ADAMTS19: variants seen among roughly 807,000 people sequenced by gnomAD.
The protein encoded by ADAMTS19 is A disintegrin and metalloproteinase with thrombospondin motifs 19.
In ADAMTS19, 93 loss-of-function variants were observed where a neutral mutation model predicts 153.3. The observed-to-expected ratio is 0.61, with a 90% CI of 0.51 to 0.72. The LOEUF (loss-of-function observed/expected upper bound fraction) is 0.72, where lower values mean the gene tolerates loss of function less well. Ranked by LOEUF, ADAMTS19 falls within the 30% of genes least tolerant of loss-of-function variation. The probability of loss-of-function intolerance (pLI) is 0.00; values close to 1 mark genes in which losing one functional copy is unlikely to be tolerated. For synonymous variants in ADAMTS19, 600 were observed against 556.6 expected, an observed-to-expected ratio of 1.08 and a Z score of -1.10; for missense variants, 1,482 against 1,552.1, an observed-to-expected ratio of 0.95 and a Z score of 0.76.
intron 6 of ADAMTS19, among the ~76,000 whole-genome samples, chr5:129,535,275 C>T (rs192143567): frequency 6.6e-6 from 1 of 152,142 alleles, no homozygotes; most frequent in African/African-American, 2.4e-5. Flanking sequence ...CAATAGCAGA[C>T]AAACAGCCAA....
At chr5:129,588,686 G>T (rs903243591) in intron 7 of ADAMTS19, among the ~76,000 whole-genome samples, 1 of 151,266 alleles carries the variant, frequency 6.6e-6, no homozygotes, top group African/African-American at 2.4e-5. Context: ...TTACCTCAAG[G>T]TATATTTTGT....
At chr5:129,588,730 GTTATT>G (rs1428744073) in intron 7 of ADAMTS19, among the ~76,000 whole-genome samples, 4 of 151,642 alleles carry the variant, frequency 2.6e-5, no homozygotes, top group South Asian at 4.2e-4. Context: ...CTCTTTGGGG[GTTATT>G]TTATTTGGTG....
At chr5:129,633,556 G>A (rs549180721) in intron 10 of ADAMTS19, among the ~76,000 whole-genome samples, 2 of 152,246 alleles carry the variant, frequency 1.3e-5, no homozygotes, top group East Asian at 1.9e-4. Flanking sequence ...TACAATGGCA[G>A]TATTGAATAG....
At chr5:129,644,165 A>G (rs905324056) in intron 11 of ADAMTS19, among the ~76,000 whole-genome samples, 2 of 152,224 alleles carry the variant, frequency 1.3e-5, no homozygotes, top group African/African-American at 4.8e-5. Context: ...TTATTTTCCT[A>G]TAATTGTGTT....
chr5:129,500,629 T>C (rs1297909633), intron 2 of ADAMTS19: 1 of 152,120 alleles, frequency 6.6e-6, no homozygotes, highest in African/African-American at 2.4e-5. Context: ...AGAAATAAGA[T>C]TACAAGTAAT....
chr5:129,567,353 A>G (rs998979317), intron 7 of ADAMTS19, among the ~76,000 whole-genome samples: 2 of 152,154 alleles, frequency 1.3e-5, no homozygotes, highest in African/African-American at 2.4e-5. Flanking sequence ...CTCAATTTGC[A>G]TGGGAAAAGA....
chr5:129,608,001 T>C (rs1465854571), intron 8 of ADAMTS19, among the ~76,000 whole-genome samples: 1 of 147,916 alleles, frequency 6.8e-6, no homozygotes, highest in Non-Finnish European at 1.5e-5. Flanking sequence ...ATTCTATATA[T>C]ATAATGGAAT....
intron 7 of ADAMTS19, among the ~76,000 whole-genome samples, chr5:129,568,618 G>T (rs1263579229): frequency 6.6e-6 from 1 of 152,044 alleles, no homozygotes; most frequent in Non-Finnish European, 1.5e-5. Flanking sequence ...CCAGGAGTTT[G>T]AGACCAGCCT....
At chr5:129,474,051 C>A (rs564322066) in intron 2 of ADAMTS19, among the ~76,000 whole-genome samples, 6 of 152,176 alleles carry the variant, frequency 3.9e-5, no homozygotes, top group South Asian at 4.1e-4. Flanking sequence ...TCCCTCATCC[C>A]CATCTGCAGT....
At chr5:129,563,419 AATC>A (rs1176069570) in intron 7 of ADAMTS19, among the ~76,000 whole-genome samples, 4 of 152,130 alleles carry the variant, frequency 2.6e-5, no homozygotes. Context: ...TGTCTACATA[AATC>A]TTAGTTTCTA....
intron 7 of ADAMTS19, among the ~76,000 whole-genome samples, chr5:129,573,833 A>G (rs2126869363): frequency 6.6e-6 from 1 of 151,098 alleles, no homozygotes; most frequent in East Asian, 1.9e-4. Flanking sequence ...TCTATTAAAA[A>G]TGTTTTGATG....
At chr5:129,547,983 T>C (rs1202252046) in intron 6 of ADAMTS19, among the ~76,000 whole-genome samples, 1 of 150,850 alleles carries the variant, frequency 6.6e-6, no homozygotes, top group Non-Finnish European at 1.5e-5. Context: ...TGTAGAAAGC[T>C]GAAACTGGAT....
rs1554098182 is a variant in ADAMTS19 at position 129,608,116 on chromosome 5, G to GTATATATATATATATATATATATA, written c.1478+11453_1478+11476dup. Among the ~76,000 whole-genome samples the GTATATATATATATATATATATATA allele has an allele frequency of 4.5e-3, 214 of 47,852 alleles. 7 individuals carry two copies. Among genetic ancestry groups the GTATATATATATATATATATATATA allele is most frequent in the East Asian group, 8.2e-3 (14 of 1,716 alleles). The allele number at this position is 47,852 out of a possible 152,430, so 31.4% of individuals were successfully genotyped here. ...TGTGTGTGTGTGTGTGTGTGTGTGT[G>GTATATATATATATATATATATATA]TATATATATATATATATATATATAA... On this transcript the variant is annotated intron_variant, in intron 8 of 22. Coordinates refer to ENST00000274487, the MANE Select transcript of ADAMTS19 (RefSeq NM_133638.6).
At chr5:129,541,133 G>T (rs1752640444) in intron 6 of ADAMTS19, among the ~76,000 whole-genome samples, 1 of 151,674 alleles carries the variant, frequency 6.6e-6, no homozygotes, top group Non-Finnish European at 1.5e-5. Context: ...TTCAATTTTA[G>T]TGAGAGGTAC....
At chr5:129,496,431 T>C (rs1750930291) in intron 2 of ADAMTS19, among the ~76,000 whole-genome samples, 1 of 152,164 alleles carries the variant, frequency 6.6e-6, no homozygotes, top group South Asian at 2.1e-4. Flanking sequence ...TGACCTTTAA[T>C]TGAATCATGA....
intron 6 of ADAMTS19, among the ~76,000 whole-genome samples, chr5:129,534,625 GA>G (rs1476115785): frequency 6.6e-6 from 1 of 152,050 alleles, no homozygotes; most frequent in Non-Finnish European, 1.5e-5. Flanking sequence ...AACAAAAAAA[GA>G]GAATTTTAGA....
intron 2 of ADAMTS19, among the ~76,000 whole-genome samples, chr5:129,487,184 A>G (rs1750627836): frequency 6.6e-6 from 1 of 152,176 alleles, no homozygotes; most frequent in Non-Finnish European, 1.5e-5. Context: ...TTATTTTTTT[A>G]CATTTTTAAG....
At chr5:129,703,422 T>C (rs960163550) in intron 20 of ADAMTS19, among the ~76,000 whole-genome samples, 5 of 152,128 alleles carry the variant, frequency 3.3e-5, no homozygotes, top group African/African-American at 1.2e-4. Flanking sequence ...TCTAGGAATA[T>C]ATAATTATAT....
intron 6 of ADAMTS19, among the ~76,000 whole-genome samples, chr5:129,549,199 T>G (rs1464247437): frequency 2.7e-5 from 4 of 148,658 alleles, no homozygotes; most frequent in Non-Finnish European, 6.0e-5. Flanking sequence ...AATAAATAAA[T>G]AAATAAAATA....
Sources: gnomAD v4.1 joint callset for allele counts (sites outside exome capture counted in the v4.1 genomes callset) on GRCh38, gnomAD v4.1.1 for gene constraint, MANE v1.5 for transcripts, NCBI Gene and HGNC (gene_info 2026-07-23, HGNC 2026-07-21) for gene names.